The following RAF1 variants were observed in gnomAD, a reference collection of about 807,000 sequenced individuals.
RAF1 encodes Raf-1 proto-oncogene, serine/threonine kinase.
Under a neutral mutation model 81.1 loss-of-function variants are expected in RAF1, and 27 were observed. The ratio of observed to expected loss-of-function variants is 0.33; its 90% CI spans 0.25 to 0.46. RAF1 has a LOEUF of 0.46. RAF1 is among the 20% of genes least tolerant of loss of function. The pLI is 1.00. For synonymous variants in RAF1, 298 were observed against 294.0 expected (o/e 1.01, Z -0.14); for missense variants, 598 against 826.0 (o/e 0.72, Z 3.38).
chr3:12,651,964 G>A (rs372769699), intron 1 of RAF1, among the ~76,000 whole-genome samples: 6 of 150,010 alleles, frequency 4.0e-5, no homozygotes, highest in Admixed American at 6.7e-5. Flanking sequence ...AGCCGAGATC[G>A]CGCCACTGCA....
intron 1 of RAF1, among the ~76,000 whole-genome samples, chr3:12,629,992 G>A (rs939302059): frequency 3.3e-5 from 5 of 152,234 alleles, no homozygotes; most frequent in African/African-American, 1.2e-4. Flanking sequence ...ATCTTGCCCA[G>A]GCTGGTGTTG....
At chr3:12,634,140 G>A (rs993457593) in intron 1 of RAF1, among the ~76,000 whole-genome samples, 1 of 120,652 alleles carries the variant, frequency 8.3e-6, no homozygotes, top group Non-Finnish European at 1.6e-5. Flanking sequence ...GAACCTCCAT[G>A]ATTCCTTTCT....
chr3:12,632,833 C>T (rs889372342), intron 1 of RAF1, among the ~76,000 whole-genome samples: 1 of 152,016 alleles, frequency 6.6e-6, no homozygotes, highest in East Asian at 1.9e-4. Flanking sequence ...ACCCATCTGA[C>T]GTGAAGAGGA....
At position 12,612,064 on chromosome 3, in the gene RAF1, TACAA is replaced by T. The variant is rs2125431643; in HGVS notation, c.208-6_208-3del. On this transcript the variant is annotated splice_region_variant and splice_polypyrimidine_tract_variant and intron_variant, in intron 2 of 17. Transcript: ENST00000442415. ...GCTCATTCCATTTCGCACATTGACC[TACAA>T]ACAAAGGACCACCTTTAGGACCAAC... 6.2e-7 allele frequency: 1 copy of T among 1,613,470 alleles called. No individual in the cohort carries two copies. The highest frequency in any genetic ancestry group is 8.5e-7 in the Non-Finnish European group (1 of 1,179,438).
At chr3:12,623,063 A>T (rs1575608195) in intron 1 of RAF1, among the ~76,000 whole-genome samples, 1 of 152,160 alleles carries the variant, frequency 6.6e-6, no homozygotes, top group Non-Finnish European at 1.5e-5. Context: ...GAACTGTAAT[A>T]AATTTTATTT....
At chr3:12,663,649 C>A (rs1488559674) in intron 1 of RAF1, among the ~76,000 whole-genome samples, 164 bp downstream of exon 1, 2 of 60,448 alleles carry the variant, frequency 3.3e-5, no homozygotes, top group South Asian at 9.0e-4. Flanking sequence ...CCGGGGCCCC[C>A]GCCCAACGCT....
Position 12,604,167 on chromosome 3 carries a change from G to A in RAF1, c.803C>T (p.Thr268Ile). 1.2e-6 allele frequency: 2 copies of A among 1,614,168 alleles called. No homozygotes were observed. The highest frequency in any genetic ancestry group is 2.2e-5 in the East Asian group (1 of 44,884). ...CATCCTGCTGTCCACAGGCAGGGTG[G>A]TGCTGACCATGTGGACATTAGGTGT... is the stretch of plus-strand genomic sequence containing the variant. The change falls in exon 7 of 18, where the codon ACC becomes ATC. Residue 268 changes from threonine to isoleucine, a missense_variant. By Grantham distance (89) the Thr-to-Ile change is moderately conservative. Coordinates refer to ENST00000442415, the MANE Select transcript of RAF1 (RefSeq NM_001354689.3).
At chr3:12,639,693 C>G (rs2060127920) in intron 1 of RAF1, among the ~76,000 whole-genome samples, 1 of 152,232 alleles carries the variant, frequency 6.6e-6, no homozygotes, top group Admixed American at 6.6e-5. Context: ...TCAAGGAGAA[C>G]TACAAACCAC....
At chr3:12,596,194 CTTTTT>C (rs10575214) in intron 11 of RAF1, among the ~76,000 whole-genome samples, 8 of 117,286 alleles carry the variant, frequency 6.8e-5, no homozygotes, top group Non-Finnish European at 3.5e-5. Context: ...ATTTTTCTTT[CTTTTT>C]TTTTTTTTTT....
chr3:12,609,769 C>T (rs1331338916), intron 3 of RAF1, among the ~76,000 whole-genome samples: 1 of 152,230 alleles, frequency 6.6e-6, no homozygotes, highest in East Asian at 1.9e-4. Flanking sequence ...GTGTGAACCA[C>T]CATGTCTGGC....
chr3:12,622,132 G>C (rs1268995927), intron 1 of RAF1, among the ~76,000 whole-genome samples: 1 of 152,146 alleles, frequency 6.6e-6, no homozygotes, highest in Non-Finnish European at 1.5e-5. Context: ...AGGTTACTAT[G>C]AGGTCCCTTT....
intron 1 of RAF1, among the ~76,000 whole-genome samples, chr3:12,651,997 G>A (rs551300276): frequency 2.1e-5 from 3 of 145,400 alleles, no homozygotes; most frequent in African/African-American, 5.1e-5. Flanking sequence ...CAACAAGAGC[G>A]AAACTCCATC....
intron 3 of RAF1, 111 bp from the exon 4 acceptor site, chr3:12,609,446 C>T (rs1212193922): frequency 2.8e-6 from 2 of 724,920 alleles, no homozygotes; most frequent in Non-Finnish European, 2.5e-6. Context: ...TTATTTAATC[C>T]ATACAACAAT....
At chr3:12,634,803 C>G (rs1559468678) in intron 1 of RAF1, among the ~76,000 whole-genome samples, 1 of 152,050 alleles carries the variant, frequency 6.6e-6, no homozygotes, top group Non-Finnish European at 1.5e-5. Context: ...TATCCTCTCC[C>G]CTTTGGAGGA....
At chr3:12,621,046 C>G (rs2125461648) in intron 1 of RAF1, among the ~76,000 whole-genome samples, 1 of 152,216 alleles carries the variant, frequency 6.6e-6, no homozygotes, top group South Asian at 2.1e-4. Flanking sequence ...TCTTTTCAAG[C>G]CTTCCTCCTT....
At chr3:12,657,000 G>GAA (rs773741528) in intron 1 of RAF1, among the ~76,000 whole-genome samples, 12,791 of 138,848 alleles carry the variant, frequency 0.092, 733 homozygotes, top group African/African-American at 0.14. Context: ...TCCATCTCGG[G>GAA]GAAAAAAAAA....
chr3:12,597,135 T>G (rs976163523), intron 11 of RAF1, among the ~76,000 whole-genome samples: 8 of 152,132 alleles, frequency 5.3e-5, no homozygotes, highest in Admixed American at 2.0e-4. Context: ...ACTGACCTCG[T>G]GATCCACCCA....
intron 1 of RAF1, among the ~76,000 whole-genome samples, chr3:12,660,792 T>C (rs1446025298): frequency 1.3e-5 from 2 of 152,038 alleles, no homozygotes; most frequent in Non-Finnish European, 2.9e-5. Flanking sequence ...CTGGCTAATA[T>C]GGTGAAATCC....
intron 8 of RAF1, chr3:12,603,386 A>G (rs1362259595): frequency 3.5e-6 from 2 of 570,448 alleles, no homozygotes; most frequent in Non-Finnish European, 6.3e-6. Flanking sequence ...AATTTAACTT[A>G]GCAACTATTT....
Sources: allele counts gnomAD v4.1 joint callset (sites outside exome capture counted in the v4.1 genomes callset), GRCh38; gene constraint gnomAD v4.1.1; transcripts MANE v1.5; gene names NCBI Gene and HGNC (gene_info 2026-07-23, HGNC 2026-07-21).